The following ASPSCR1 variants were observed in gnomAD, a reference collection of about 807,000 sequenced individuals.
ASPSCR1 encodes the protein tether containing UBX domain for GLUT4.
Under a neutral mutation model 68.9 loss-of-function variants are expected in ASPSCR1, and 55 were observed. That is an observed-to-expected ratio of 0.80 (90% confidence interval 0.64 to 1.00). ASPSCR1 has a LOEUF of 1.00. Ranked by LOEUF, ASPSCR1 falls within the 50% of genes least tolerant of loss-of-function variation. The probability of loss-of-function intolerance (pLI) is 0.00; values close to 1 mark genes in which losing one functional copy is unlikely to be tolerated. For missense variants in ASPSCR1, 765 were observed against 762.2 expected (o/e 1.00, Z -0.04); for synonymous variants, 352 against 332.6 (o/e 1.06, Z -0.63).
rs566485859 is a variant in ASPSCR1 at position 81,983,765 on chromosome 17, A to T, written c.273+97A>T. The stretch of plus-strand genomic sequence containing the variant: ...GGACAGTGGGGGGTGCTGGGGAAGG[A>T]GGGACATGAGTCTTAGCACCAGTTC... On this transcript the variant is annotated intron_variant, in intron 3 of 15. Coordinates refer to ENST00000306739, the MANE Select transcript of ASPSCR1 (RefSeq NM_024083.4). The surrounding 1 kb of genome is among the most constrained non-coding windows in gnomAD (Gnocchi z 4.4). 8.5e-5 allele frequency: 89 copies of T among 1,042,364 alleles called. No homozygotes were observed. In the East Asian group the frequency reaches 2.1e-3, roughly 24 times the overall value. 64.6% of individuals were successfully genotyped at this position (1,042,364 alleles called of 1,614,324 possible).
chr17:81,996,233 GC>G (rs1409453729), intron 6 of ASPSCR1, among the ~76,000 whole-genome samples, 168 bp downstream of exon 6: 1 of 152,120 alleles, frequency 6.6e-6, no homozygotes, highest in Non-Finnish European at 1.5e-5. Context: ...GGGCTGGGCT[GC>G]CCCGACCTCA....
chr17:81,996,587 G>A lies in ASPSCR1; in HGVS notation c.674G>A (p.Cys225Tyr). The change falls in exon 7 of 16, where the codon TGC becomes TAC. Residue 225 changes from cysteine to tyrosine, a missense_variant. Cys to Tyr is a radical substitution (Grantham distance 194). Coordinates refer to ENST00000306739, the MANE Select transcript of ASPSCR1 (RefSeq NM_024083.4). ...GACGCGGACACCTCAGGGCCCTGCT[G>A]CGAGCACACTCAGGAGAAGCAGAGC... ...PEDADTSGPCCEHTQEKQSTR... is the reference protein window; with the variant it reads ...PEDADTSGPCYEHTQEKQSTR... The A allele has an allele frequency of 4.3e-6, 7 of 1,611,890 alleles. No individual in the cohort carries two copies. The highest frequency in any genetic ancestry group is 5.9e-6 in the Non-Finnish European group (7 of 1,178,620).
intron 7 of ASPSCR1, among the ~76,000 whole-genome samples, chr17:81,997,262 G>A (rs747029609): frequency 6.6e-5 from 10 of 152,272 alleles, no homozygotes; most frequent in South Asian, 2.1e-4. Flanking sequence ...GGGCATGGCC[G>A]TGGTCACATT....
chr17:81,995,022 AG>A, intron 5 of ASPSCR1, 144 bp downstream of exon 5: 1 of 941,698 alleles, frequency 1.1e-6, no homozygotes, highest in South Asian at 1.8e-5. Context: ...ATGGAAAAAG[AG>A]GGAGTGGCCG....
intron 7 of ASPSCR1, among the ~76,000 whole-genome samples, chr17:82,001,820 C>T (rs1024997478): frequency 1.3e-5 from 2 of 152,136 alleles, no homozygotes; most frequent in Non-Finnish European, 2.9e-5. Flanking sequence ...CTCTGCCCTG[C>T]GGATGACCCC....
chr17:82,017,066 C>A lies in ASPSCR1; in HGVS notation c.1601C>A (p.Pro534His), dbSNP rs1262477256. The A allele has an allele frequency of 6.2e-7, 1 of 1,609,318 alleles. No homozygotes were observed. The highest frequency in any genetic ancestry group is 1.1e-5 in the South Asian group (1 of 90,966). ...PPEPIPGTAQ[P>H]VKRSLGKVPK... ...GAGCCCATCCCAGGGACGGCCCAGC[C>A]CGTGAAGAGGAGCCTGGGCAAGGTG... The change falls in exon 15 of 16, where the codon CCC becomes CAC. Residue 534 changes from proline (P) to histidine (H), a missense_variant. Coordinates refer to ENST00000306739, the MANE Select transcript of ASPSCR1 (RefSeq NM_024083.4).
intron 4 of ASPSCR1, among the ~76,000 whole-genome samples, chr17:81,989,544 T>C (rs1347475433): frequency 6.6e-6 from 1 of 152,138 alleles, no homozygotes; most frequent in Non-Finnish European, 1.5e-5. Flanking sequence ...CCAGGGACAG[T>C]GTAGGCGCTG....
intron 7 of ASPSCR1, chr17:82,005,403 G>A (rs1025751525): frequency 1.3e-5 from 2 of 152,194 alleles, no homozygotes; most frequent in African/African-American, 4.8e-5. Flanking sequence ...GGGTCGGCAG[G>A]TCTCGTGAGA....
intron 7 of ASPSCR1, among the ~76,000 whole-genome samples, chr17:82,002,639 T>A: frequency 1.3e-5 from 2 of 152,284 alleles, no homozygotes; most frequent in South Asian, 2.1e-4. Context: ...CTCAGCTCAC[T>A]GCAACCTCCA....
At chr17:82,009,343 A>G in intron 8 of ASPSCR1, 143 bp from the exon 9 acceptor site, 1 of 1,373,982 alleles carries the variant, frequency 7.3e-7, no homozygotes, top group Non-Finnish European at 9.7e-7. Context: ...GTTGGGGCCC[A>G]GGGAGGGGCG....
At chr17:82,016,134 G>A (rs1311850228) in intron 12 of ASPSCR1, 4 of 318,136 alleles carry the variant, frequency 1.3e-5, no homozygotes, top group African/African-American at 2.1e-5. Flanking sequence ...CGGCGCATCC[G>A]CCAGGACCCG....
chr17:81,994,859 G>A lies in ASPSCR1; in HGVS notation c.413G>A (p.Cys138Tyr), dbSNP rs2144038643. 6.2e-7 allele frequency: 1 copy of A among 1,613,136 alleles called. No individual in the cohort carries two copies. Among genetic ancestry groups the A allele is most frequent in the East Asian group, 2.2e-5 (1 of 44,852 alleles). The part of the protein sequence containing the change: ...LQHPGGATPV[C>Y]VYTRDEVTGE... The stretch of plus-strand genomic sequence containing the variant: ...CACCCCGGCGGGGCCACCCCAGTCT[G>A]CGTGTACACGAGGGATGAGGTAGGC... The change falls in exon 5 of 16, where the codon TGC becomes TAC. Residue 138 changes from cysteine to tyrosine, a missense_variant. By Grantham distance (194) the Cys-to-Tyr change is radical. Coordinates refer to ENST00000306739, the MANE Select transcript of ASPSCR1 (RefSeq NM_024083.4).
chr17:81,990,934 G>A lies in ASPSCR1; in HGVS notation c.375-3887G>A, dbSNP rs547663054. Among the ~76,000 whole-genome samples the A allele has an allele frequency of 9.9e-5, 15 of 152,256 alleles. No individual in the cohort carries two copies. Among genetic ancestry groups the A allele is most frequent in the African/African-American group, 2.9e-4 (12 of 41,538 alleles). Reference sequence around the variant, plus strand: ...CCACGAGGGCAGGCGGGCGAGTCCCGTAGTTTGAATCCCACGTCCCGTAAG... The same window carrying A: ...CCACGAGGGCAGGCGGGCGAGTCCCATAGTTTGAATCCCACGTCCCGTAAG... On this transcript the variant is annotated intron_variant, in intron 4 of 15. Transcript: ENST00000306739. This position sits in a 1 kb window ranked among gnomAD's most constrained non-coding sequence, Gnocchi z 4.1.
intron 4 of ASPSCR1, 96 bp from the exon 5 acceptor site, chr17:81,994,725 C>T: frequency 7.5e-7 from 1 of 1,327,564 alleles, no homozygotes; most frequent in Admixed American, 1.7e-5. Context: ...GGTGAGGGCC[C>T]CACACCTTTG....
In ASPSCR1 at chr17:81,997,059, CT is replaced by C. The variant is rs2042369111; in HGVS notation, c.933+216del. Among the ~76,000 whole-genome samples, 6 of 98,716 alleles carry C rather than the reference CT, an allele frequency of 6.1e-5. No individual in the cohort carries two copies. The South Asian group carries it at 2.1e-3, about 34-fold the overall frequency. 64.8% of individuals were successfully genotyped at this position (98,716 alleles called of 152,430 possible). ...GGTAAGCAGGTGGTAGAGAAAGTAG[CT>C]TTACTGAGACGGTGGCTGTGTCTGC... On this transcript the variant is annotated intron_variant, in intron 7 of 15. Transcript: ENST00000306739.
In ASPSCR1 at chr17:82,009,117, G is replaced by A. The variant is rs1191066325; in HGVS notation, c.1014G>A (p.Ala338=). The A allele has an allele frequency of 1.2e-5, 20 of 1,602,664 alleles. No homozygotes were observed. Among genetic ancestry groups the A allele is most frequent in the Middle Eastern group, 1.6e-4 (1 of 6,064 alleles). The change falls in exon 8 of 16, where the codon GCG becomes GCA. Residue 338 remains alanine (A), a synonymous_variant. Coordinates refer to ENST00000306739, the MANE Select transcript of ASPSCR1 (RefSeq NM_024083.4). ...AGGAGCGGCTGCAGGCCTGGCCAGC[G>A]GAGCTGCCTGATGAGTTCTTTGAGC... ...DLEERLQAWP[A]ELPDEFFELT...
intron 2 of ASPSCR1, among the ~76,000 whole-genome samples, chr17:81,981,344 T>C (rs1429799315): frequency 6.6e-6 from 1 of 151,570 alleles, no homozygotes; most frequent in African/African-American, 2.4e-5. Flanking sequence ...GTTCAGTTGG[T>C]TGGGGGGGGC....
chr17:82,002,222 C>A (rs980842429), intron 7 of ASPSCR1, among the ~76,000 whole-genome samples: 1 of 151,310 alleles, frequency 6.6e-6, no homozygotes, highest in Admixed American at 6.6e-5. Context: ...ATGAGTACCT[C>A]ATGCTTTATA....
At chr17:81,993,339 G>A (rs866632602) in intron 4 of ASPSCR1, among the ~76,000 whole-genome samples, 4 of 152,038 alleles carry the variant, frequency 2.6e-5, no homozygotes, top group Non-Finnish European at 5.9e-5. Flanking sequence ...TCAGCCTCCC[G>A]AGTAGCTGGG....
Sources: gnomAD v4.1 joint callset for allele counts (sites outside exome capture counted in the v4.1 genomes callset) on GRCh38, gnomAD v4.1.1 for gene constraint, Gnocchi (gnomAD v3.1) non-coding constraint, MANE v1.5 for transcripts, NCBI Gene and HGNC (gene_info 2026-07-23, HGNC 2026-07-21) for gene names.